WDR7: variants seen among roughly 807,000 people sequenced by gnomAD.
WDR7 encodes the protein WD repeat-containing protein 7.
A neutral mutation model predicts 169.4 loss-of-function variants in WDR7; 46 were observed. The observed-to-expected ratio is 0.27, with a 90% confidence interval of 0.21 to 0.35. The LOEUF (loss-of-function observed/expected upper bound fraction) is 0.35. Ranked by LOEUF, WDR7 falls within the 10% of genes least tolerant of loss-of-function variation. The pLI, the probability that WDR7 is intolerant of heterozygous loss-of-function variation, is 1.00. For synonymous variants in WDR7, 612 were observed against 666.8 expected (o/e 0.92, Z 1.27); for missense variants, 1,534 against 1,859.3 (o/e 0.83, Z 3.22).
At chr18:56,961,334 T>G (rs1401230843) in intron 25 of WDR7, among the ~76,000 whole-genome samples, 1 of 152,064 alleles carries the variant, frequency 6.6e-6, no homozygotes, top group East Asian at 1.9e-4. Context: ...CTGTCATGTT[T>G]TGCCTCTTCC....
chr18:56,704,380 A>AG (rs1270136163), intron 12 of WDR7, among the ~76,000 whole-genome samples: 110 of 25,172 alleles, frequency 4.4e-3, no homozygotes, highest in Non-Finnish European at 0.041. Context: ...CTATCAAAAA[A>AG]GAAAAAAAAA....
chr18:57,018,965 G>T (rs1276903544), intron 26 of WDR7, among the ~76,000 whole-genome samples: 1 of 152,122 alleles, frequency 6.6e-6, no homozygotes, highest in African/African-American at 2.4e-5. Context: ...TGTTAAGCTG[G>T]TTTCTTGCGC....
Position 56,880,064 on chromosome 18 carries a change from A to G in WDR7, c.3425A>G (p.Glu1142Gly). 1.2e-6 allele frequency: 2 copies of G among 1,614,074 alleles called. No individual in the cohort carries two copies. The highest frequency in any genetic ancestry group is 1.7e-6 in the Non-Finnish European group (2 of 1,179,964). Residue 1142 changes from glutamate (E) to glycine (G), a missense_variant, in exon 21 of 28, where the codon GAA becomes GGA. Physicochemically the swap from Glu to Gly is moderately conservative, Grantham distance 98. Transcript: ENST00000254442. ...VIGAEFGAEI[E>G]PPKLLTRPRS... ...GGAGCTGAATTTGGTGCTGAAATTG[A>G]ACCTCCTAAACTATTGACCAGACCT...
At chr18:56,980,699 A>G (rs1024885908) in intron 26 of WDR7, among the ~76,000 whole-genome samples, 5 of 152,250 alleles carry the variant, frequency 3.3e-5, no homozygotes, top group Non-Finnish European at 7.3e-5. Flanking sequence ...CATCTAACTC[A>G]AAGCTATGTG....
chr18:56,704,687 C>A (rs2025909210), intron 12 of WDR7, among the ~76,000 whole-genome samples: 1 of 152,004 alleles, frequency 6.6e-6, no homozygotes, highest in African/African-American at 2.4e-5. Context: ...GTGAGAGGCC[C>A]CTTTAACAGT....
At chr18:56,673,762 G>C (rs1187940738) in intron 2 of WDR7, among the ~76,000 whole-genome samples, 1 of 151,972 alleles carries the variant, frequency 6.6e-6, no homozygotes, top group African/African-American at 2.4e-5. Context: ...CCTGAGCCCA[G>C]GAGGTCCAGG....
At chr18:56,920,685 A>G (rs945638589) in intron 21 of WDR7, among the ~76,000 whole-genome samples, 1 of 152,222 alleles carries the variant, frequency 6.6e-6, no homozygotes, top group African/African-American at 2.4e-5. Context: ...ATAGTGGTCC[A>G]TTTATATCAA....
chr18:56,877,265 A>G (rs2046036119), intron 20 of WDR7, among the ~76,000 whole-genome samples: 1 of 152,180 alleles, frequency 6.6e-6, no homozygotes, highest in African/African-American at 2.4e-5. Context: ...TCTGCCAGAA[A>G]TGACTCAAGA....
intron 14 of WDR7, among the ~76,000 whole-genome samples, chr18:56,740,446 G>T (rs2043600707): frequency 6.6e-6 from 1 of 152,078 alleles, no homozygotes; most frequent in South Asian, 2.1e-4. Flanking sequence ...CTCTTGGCAT[G>T]TGTAGTAATT....
chr18:56,855,160 A>G (rs2045699753), intron 20 of WDR7, among the ~76,000 whole-genome samples: 1 of 151,960 alleles, frequency 6.6e-6, no homozygotes, highest in Admixed American at 6.6e-5. Flanking sequence ...CTTGGTTTGC[A>G]TTTCCCTTCT....
chr18:56,952,078 A>C (rs914877475), intron 25 of WDR7, among the ~76,000 whole-genome samples: 2 of 152,236 alleles, frequency 1.3e-5, no homozygotes, highest in Admixed American at 1.3e-4. Flanking sequence ...ATCTCAGATC[A>C]TGTAAAATCT....
At chr18:56,945,631 C>G (rs751319) in intron 25 of WDR7, among the ~76,000 whole-genome samples, 1 of 152,080 alleles carries the variant, frequency 6.6e-6, no homozygotes, top group South Asian at 2.1e-4. Context: ...AGTACTTGCT[C>G]CCTGTCAGGC....
chr18:56,826,693 T>C (rs186717205), intron 20 of WDR7, among the ~76,000 whole-genome samples: 1 of 152,346 alleles, frequency 6.6e-6, no homozygotes, highest in African/African-American at 2.4e-5. Flanking sequence ...TTGTTATAAC[T>C]ATTTATCCTA....
chr18:56,995,929 C>G (rs1404984483), intron 26 of WDR7, among the ~76,000 whole-genome samples: 1 of 152,152 alleles, frequency 6.6e-6, no homozygotes, highest in Non-Finnish European at 1.5e-5. Context: ...CATATAGAAG[C>G]TGGGCTCCAC....
chr18:56,843,242 T>C (rs1450817600), intron 20 of WDR7, among the ~76,000 whole-genome samples: 3 of 152,232 alleles, frequency 2.0e-5, no homozygotes, highest in Non-Finnish European at 4.4e-5. Flanking sequence ...GCCATTTAAA[T>C]TATTTTTAAG....
chr18:57,014,016 C>T (rs1029010534), intron 26 of WDR7, among the ~76,000 whole-genome samples: 3 of 152,152 alleles, frequency 2.0e-5, no homozygotes, highest in Non-Finnish European at 4.4e-5. Context: ...AATTCCAGTA[C>T]TCAGTCTGGT....
intron 14 of WDR7, among the ~76,000 whole-genome samples, chr18:56,739,328 T>G (rs2043576890): frequency 6.6e-6 from 1 of 152,196 alleles, no homozygotes; most frequent in Non-Finnish European, 1.5e-5. Context: ...ATCTTTGACT[T>G]ATTACAGTCT....
chr18:56,842,933 A>G (rs2045508458), intron 20 of WDR7, among the ~76,000 whole-genome samples: 1 of 152,204 alleles, frequency 6.6e-6, no homozygotes, highest in Non-Finnish European at 1.5e-5. Flanking sequence ...TTTTACACCA[A>G]AAAAGAATTA....
At chr18:56,867,539 A>G (rs1033670345) in intron 20 of WDR7, among the ~76,000 whole-genome samples, 4 of 152,126 alleles carry the variant, frequency 2.6e-5, no homozygotes, top group Admixed American at 6.6e-5. Context: ...TGGGAGGGAG[A>G]TAGATAGGGA....
Sources: allele counts gnomAD v4.1 joint callset (sites outside exome capture counted in the v4.1 genomes callset), GRCh38; gene constraint gnomAD v4.1.1; transcripts MANE v1.5; gene names NCBI Gene and HGNC (gene_info 2026-07-23, HGNC 2026-07-21).